Variants in ANK2 observed in about 807,000 individuals in gnomAD.
The protein encoded by ANK2 is ankyrin 2.
In ANK2, 83 loss-of-function variants were observed where a neutral mutation model predicts 360.5. The ratio of observed to expected loss-of-function variants is 0.23; its 90% CI spans 0.19 to 0.28. The LOEUF is 0.28. Ranked by LOEUF, ANK2 falls within the 10% of genes least tolerant of loss-of-function variation. The pLI is 1.00. For synonymous variants in ANK2, 1,740 were observed against 1,759.5 expected (o/e 0.99, Z 0.28); for missense variants, 4,201 against 4,795.7 (o/e 0.88, Z 3.66).
chr4:113,286,009 G>T (rs1587172496), intron 18 of ANK2, among the ~76,000 whole-genome samples: 1 of 152,206 alleles, frequency 6.6e-6, no homozygotes, highest in African/African-American at 2.4e-5. Context: ...AAACTGCAGA[G>T]ATTTTCATAC....
intron 8 of ANK2, 29 bp from the exon 9 acceptor site, chr4:113,242,082 A>G: frequency 6.3e-7 from 1 of 1,579,584 alleles, no homozygotes; most frequent in Non-Finnish European, 8.7e-7. Flanking sequence ...CATACCCAAC[A>G]GCTCTTGTTT....
In ANK2 at chr4:113,214,528, C is replaced by A. The variant is rs996440015; in HGVS notation, c.384+15419C>A. 5 of 579,228 alleles carry A rather than the reference C, an allele frequency of 8.6e-6. 1 individual carries two copies. Among genetic ancestry groups the A allele is most frequent in the Non-Finnish European group, 1.5e-5 (5 of 328,882 alleles). The allele number at this position is 579,228 out of a possible 1,614,324, so 35.9% of individuals were successfully genotyped here. A position where few individuals can be genotyped will look rare whatever the true frequency, so the allele number is the denominator to read the frequency against. On this transcript the variant is annotated intron_variant, in intron 4 of 45. Coordinates refer to ENST00000357077, the MANE Select transcript of ANK2 (RefSeq NM_001148.6). ...ATTACATTCATTAATTTATTAAGAG[C>A]CTGTTGCTTATAATATTCAATACCA...
intron 4 of ANK2, among the ~76,000 whole-genome samples, chr4:113,230,527 A>AG: frequency 6.6e-6 from 1 of 152,030 alleles, no homozygotes; most frequent in East Asian, 1.9e-4. Context: ...AAAAAAAAAA[A>AG]TGTTTTCTCC....
intron 2 of ANK2, among the ~76,000 whole-genome samples, chr4:112,968,175 T>C (rs939631319): frequency 6.6e-6 from 1 of 152,216 alleles, no homozygotes; most frequent in African/African-American, 2.4e-5. Context: ...CAGGTTAGTA[T>C]AATTCTTGAA....
At chr4:112,878,527 T>C (rs913755963) in intron 1 of ANK2, among the ~76,000 whole-genome samples, 3 of 151,916 alleles carry the variant, frequency 2.0e-5, no homozygotes, top group African/African-American at 7.3e-5. Context: ...AGTTTCACCA[T>C]GTTGACCAGA....
At position 113,373,459 on chromosome 4, in the gene ANK2, C is replaced by T. The variant is rs769280185; in HGVS notation, c.11859+10C>T. On this transcript the variant is annotated intron_variant, in intron 45 of 45. Coordinates refer to ENST00000357077, the MANE Select transcript of ANK2 (RefSeq NM_001148.6). The stretch of plus-strand genomic sequence containing the variant: ...CACCGAGCAGTCAGAGGTGAGACAA[C>T]CTGATTCTCTAAAACCCATTTGATG... The T allele has an allele frequency of 3.1e-6, 5 of 1,613,860 alleles. No individual in the cohort carries two copies. The East Asian group carries it at 8.9e-5, about 29-fold the overall frequency.
intron 45 of ANK2, chr4:113,375,035 T>C: frequency 1.6e-6 from 1 of 614,048 alleles, no homozygotes; most frequent in East Asian, 1.1e-4. Flanking sequence ...TGTATCATTC[T>C]ATACATGAAT....
intron 1 of ANK2, among the ~76,000 whole-genome samples, chr4:113,055,070 A>T (rs2068954866): frequency 6.6e-6 from 1 of 152,068 alleles, no homozygotes; most frequent in South Asian, 2.1e-4. Context: ...ACAGGCTCCC[A>T]ACTCTTTCTT....
intron 2 of ANK2, among the ~76,000 whole-genome samples, chr4:113,007,802 G>C (rs1293466342): frequency 6.6e-6 from 1 of 152,136 alleles, no homozygotes; most frequent in Admixed American, 6.6e-5. Flanking sequence ...ACTTGCACTT[G>C]ACTAGTCTTA....
chr4:112,771,134 T>C, the ANK2 span, among the ~76,000 whole-genome samples: 2 of 152,212 alleles, frequency 1.3e-5, no homozygotes, highest in Non-Finnish European at 2.9e-5. Context: ...TTTTTCACGA[T>C]GGAGTTTCAC....
chr4:113,044,148 A>G (rs1364792332), intron 2 of ANK2, among the ~76,000 whole-genome samples: 6 of 152,200 alleles, frequency 3.9e-5, no homozygotes, highest in Non-Finnish European at 8.8e-5. Flanking sequence ...TAGTTACCAT[A>G]GGCTAGCTGT....
At chr4:112,989,270 A>G (rs1225700178) in intron 2 of ANK2, among the ~76,000 whole-genome samples, 1 of 152,208 alleles carries the variant, frequency 6.6e-6, no homozygotes, top group Non-Finnish European at 1.5e-5. Context: ...AATTACTTCA[A>G]TAGGACAATT....
chr4:112,966,247 ACT>A (rs2037186186), intron 2 of ANK2, among the ~76,000 whole-genome samples: 1 of 151,560 alleles, frequency 6.6e-6, no homozygotes, highest in Non-Finnish European at 1.5e-5. Flanking sequence ...ATCTTCTAAC[ACT>A]CGTAAAAGAT....
At chr4:112,935,919 C>T (rs941807956) in intron 2 of ANK2, among the ~76,000 whole-genome samples, 3 of 152,138 alleles carry the variant, frequency 2.0e-5, no homozygotes, top group Non-Finnish European at 4.4e-5. Flanking sequence ...CCTCAAAGAA[C>T]TTAACCATCA....
chr4:113,324,228 T>C (rs2088349744), intron 26 of ANK2, among the ~76,000 whole-genome samples: 1 of 152,218 alleles, frequency 6.6e-6, no homozygotes, highest in Admixed American at 6.5e-5. Flanking sequence ...TTATTTTAAA[T>C]ACCATATTCT....
In ANK2 at chr4:112,924,982, G is replaced by C. The variant is rs144340269; in HGVS notation, c.21+20468G>C. Reference sequence around the variant, plus strand: ...GCCTCCTGAGTAGCTGGGACTACAGGTGCCTGCCACCACACCCGGCTAATT... The same window carrying C: ...GCCTCCTGAGTAGCTGGGACTACAGCTGCCTGCCACCACACCCGGCTAATT... On this transcript the variant is annotated intron_variant, in intron 2 of 30. Coordinates refer to the ANK2 transcript ENST00000503271. Among the ~76,000 whole-genome samples the C allele has an allele frequency of 6.0e-3, 917 of 152,028 alleles. 15 individuals are homozygous for C. The highest frequency in any genetic ancestry group is 0.021 in the African/African-American group (873 of 41,482).
At chr4:113,365,774 A>G (rs557346616) in intron 41 of ANK2, among the ~76,000 whole-genome samples, 1 of 151,826 alleles carries the variant, frequency 6.6e-6, no homozygotes, top group African/African-American at 2.4e-5. Context: ...TGATGACCAA[A>G]CTTCCTATTT....
At chr4:113,256,835 G>A (rs2049694004) in intron 11 of ANK2, among the ~76,000 whole-genome samples, 1 of 152,168 alleles carries the variant, frequency 6.6e-6, no homozygotes, top group African/African-American at 2.4e-5. Flanking sequence ...TACGTGGGAA[G>A]TGAATATATT....
At chr4:113,290,564 T>G (rs1563469444) in intron 20 of ANK2, among the ~76,000 whole-genome samples, 1 of 152,100 alleles carries the variant, frequency 6.6e-6, no homozygotes, top group Non-Finnish European at 1.5e-5. Flanking sequence ...GTGAAGAGGG[T>G]TTAGAACAGC....
Sources: allele counts gnomAD v4.1 joint callset (sites outside exome capture counted in the v4.1 genomes callset), GRCh38; gene constraint gnomAD v4.1.1; transcripts MANE v1.5; gene names NCBI Gene and HGNC (gene_info 2026-07-23, HGNC 2026-07-21).